EPB41L1: variants seen among roughly 807,000 people sequenced by gnomAD.
EPB41L1 encodes the protein band 4.1-like protein 1.
In EPB41L1, 29 loss-of-function variants were observed where a neutral mutation model predicts 97.8. That is an observed-to-expected ratio of 0.30 (90% CI 0.22 to 0.40). The LOEUF (loss-of-function observed/expected upper bound fraction) is 0.40, where lower values mean the gene tolerates loss of function less well. EPB41L1 is among the 10% of genes least tolerant of loss of function. The pLI is 1.00. For synonymous variants in EPB41L1, 383 were observed against 459.2 expected, an observed-to-expected ratio of 0.83 and a Z score of 2.12; for missense variants, 812 against 1,162.3, an observed-to-expected ratio of 0.70 and a Z score of 4.38.
intron 2 of EPB41L1, among the ~76,000 whole-genome samples, chr20:36,135,143 G>A (rs6089004): frequency 3.2e-3 from 484 of 152,202 alleles, no homozygotes; most frequent in Non-Finnish European, 4.6e-3. Context: ...GATTACAGGC[G>A]TGAGCCACTG....
chr20:36,134,306 C>T (rs887372006), intron 2 of EPB41L1, among the ~76,000 whole-genome samples: 1 of 152,170 alleles, frequency 6.6e-6, no homozygotes, highest in Non-Finnish European at 1.5e-5. Flanking sequence ...GTTGGTAGCC[C>T]GAGGTTGTGT....
rs753102944 is a variant in EPB41L1 at position 36,219,856 on chromosome 20, C to T, written c.2439+12C>T. The T allele has an allele frequency of 6.2e-7, 1 of 1,612,962 alleles. No individual in the cohort carries two copies. The highest frequency in any genetic ancestry group is 8.5e-7 in the Non-Finnish European group (1 of 1,178,892). On this transcript the variant is annotated intron_variant, in intron 19 of 21. Transcript: ENST00000338074. The stretch of plus-strand genomic sequence containing the variant: ...CCCATGTCACCAAAGTGAGTAGCAG[C>T]AGGGCGCCCCATGCCCCCAGCCGAG...
chr20:36,154,338 C>T (rs892794706), upstream of EPB41L1, among the ~76,000 whole-genome samples: 1 of 152,116 alleles, frequency 6.6e-6, no homozygotes, highest in Non-Finnish European at 1.5e-5. This position sits in a 1 kb window ranked among gnomAD's most constrained non-coding sequence, Gnocchi z 5.5. Context: ...CGCTGATGAG[C>T]CCCCAAGAGG....
chr20:36,216,295 G>A (rs2063436483), intron 17 of EPB41L1, among the ~76,000 whole-genome samples: 3 of 152,190 alleles, frequency 2.0e-5, no homozygotes. Flanking sequence ...ATTCTAGACA[G>A]TGGGAAAAGC....
chr20:36,158,954 G>A (rs2060423706), intron 1 of EPB41L1, among the ~76,000 whole-genome samples: 2 of 152,218 alleles, frequency 1.3e-5, no homozygotes, highest in Non-Finnish European at 2.9e-5. Flanking sequence ...TGTGTTTTGG[G>A]AAGGTCCTTT....
Position 36,219,846 on chromosome 20 carries a change from T to A in EPB41L1, c.2439+2T>A. The A allele has an allele frequency of 6.2e-7, 1 of 1,613,976 alleles. No individual in the cohort carries two copies. The highest frequency in any genetic ancestry group is 8.5e-7 in the Non-Finnish European group (1 of 1,179,914). ...TCCACCACCACCCATGTCACCAAAG[T>A]GAGTAGCAGCAGGGCGCCCCATGCC... On this transcript the variant is annotated splice_donor_variant, in intron 19 of 21. Transcript: ENST00000338074. LOFTEE classifies it high-confidence loss of function.
chr20:36,184,938 G>A (rs2061621367), intron 6 of EPB41L1, among the ~76,000 whole-genome samples, 179 bp from the exon 7 acceptor site: 1 of 152,244 alleles, frequency 6.6e-6, no homozygotes, highest in African/African-American at 2.4e-5. Context: ...AAAGTCATGT[G>A]AAATGTTGCA....
chr20:36,127,538 C>T (rs1692738605), intron 2 of EPB41L1, among the ~76,000 whole-genome samples: 1 of 152,184 alleles, frequency 6.6e-6, no homozygotes, highest in African/African-American at 2.4e-5. Context: ...TAATCCTGGG[C>T]AGCATCTGCC....
chr20:36,221,449 T>G (rs1372803102), intron 19 of EPB41L1, among the ~76,000 whole-genome samples: 2 of 152,012 alleles, frequency 1.3e-5, no homozygotes, highest in Non-Finnish European at 1.5e-5. Context: ...ATGAACAAAA[T>G]ACAGACCCTG....
At chr20:36,211,146 G>A (rs1211375319) in intron 15 of EPB41L1, among the ~76,000 whole-genome samples, 6 of 151,890 alleles carry the variant, frequency 4.0e-5, no homozygotes, top group African/African-American at 1.5e-4. Context: ...CAGCACTTTG[G>A]GAGGCTGAGG....
intron 1 of EPB41L1, among the ~76,000 whole-genome samples, chr20:36,164,884 C>T (rs901458020): frequency 7.9e-5 from 12 of 151,998 alleles, no homozygotes; most frequent in Admixed American, 3.3e-4. Context: ...TAGGGTTTCA[C>T]GATATTGGTT....
intron 21 of EPB41L1, among the ~76,000 whole-genome samples, chr20:36,227,922 C>T (rs557999697): frequency 7.6e-4 from 116 of 152,314 alleles, no homozygotes; most frequent in Non-Finnish European, 1.4e-3. Flanking sequence ...CCAAACACCA[C>T]CAGCAAGAGG....
At chr20:36,151,250 A>G (rs1194354212), upstream of EPB41L1, 2 of 152,178 alleles carry the variant, frequency 1.3e-5, no homozygotes, top group African/African-American at 4.8e-5. Context: ...GTTAAAATTT[A>G]AGAGGAAAGA....
At chr20:36,215,503 A>T (rs1196308016) in intron 17 of EPB41L1, among the ~76,000 whole-genome samples, 1 of 152,192 alleles carries the variant, frequency 6.6e-6, no homozygotes, top group Non-Finnish European at 1.5e-5. Flanking sequence ...CCATCAATCT[A>T]GACTAGCCAG....
chr20:36,125,182 C>T (rs866432506), intron 2 of EPB41L1, among the ~76,000 whole-genome samples: 2 of 152,132 alleles, frequency 1.3e-5, no homozygotes, highest in Non-Finnish European at 2.9e-5. Context: ...GGCTGGGAAC[C>T]TTTCTGGTGT....
At chr20:36,224,612 C>T (rs2147147339) in intron 21 of EPB41L1, among the ~76,000 whole-genome samples, 1 of 152,256 alleles carries the variant, frequency 6.6e-6, no homozygotes, top group East Asian at 1.9e-4. Context: ...CACTATTGCA[C>T]TTCAGCCTGG....
At chr20:36,155,192 G>A (rs1366186777) in intron 1 of EPB41L1, 1 of 456,546 alleles carries the variant, frequency 2.2e-6, no homozygotes, top group Admixed American at 2.3e-5. Context: ...TCTCTTTTCG[G>A]AGAGCACTCC....
intron 1 of EPB41L1, among the ~76,000 whole-genome samples, chr20:36,156,351 T>G (rs984154485): frequency 6.6e-6 from 1 of 152,226 alleles, no homozygotes; most frequent in Non-Finnish European, 1.5e-5. Flanking sequence ...ACAGTCCTCC[T>G]GGGCTCAGCC....
rs930891016 is a variant in EPB41L1, at chr20:36,195,286, A to G, written c.1450-43A>G. Reference sequence around the variant, plus strand: ...GTGGTATCTCTAATCCATCTGCTCTACTGACCCTGCTGCTTTCTTTCCCTC... The same window carrying G: ...GTGGTATCTCTAATCCATCTGCTCTGCTGACCCTGCTGCTTTCTTTCCCTC... On this transcript the variant is annotated intron_variant, in intron 12 of 21. Coordinates refer to ENST00000338074, the MANE Select transcript of EPB41L1 (RefSeq NM_012156.2). This position sits in a 1 kb window ranked among gnomAD's most constrained non-coding sequence, Gnocchi z 4.6. 9 of 1,613,050 alleles carry G rather than the reference A, an allele frequency of 5.6e-6. No homozygotes were observed. Among genetic ancestry groups the G allele is most frequent in the Middle Eastern group, 1.6e-4 (1 of 6,084 alleles).
Sources: allele counts gnomAD v4.1 joint callset (sites outside exome capture counted in the v4.1 genomes callset), GRCh38; gene constraint gnomAD v4.1.1; non-coding constraint Gnocchi (gnomAD v3.1); transcripts MANE v1.5; gene names NCBI Gene and HGNC (gene_info 2026-07-23, HGNC 2026-07-21).